The following CFAP20DC variants were observed in gnomAD, a reference collection of about 807,000 sequenced individuals.
CFAP20DC encodes protein CFAP20DC.
CFAP20DC carries 84 observed loss-of-function variants against 101.7 expected under a neutral mutation model. The observed-to-expected ratio is 0.83, with a 90% CI of 0.69 to 0.99. The LOEUF is 0.99. Among genes scored for constraint, CFAP20DC ranks in the 50% least tolerant of loss-of-function variants. CFAP20DC has a pLI of 0.00. For missense variants in CFAP20DC, 1,007 were observed against 970.3 expected (o/e 1.04, Z -0.50); for synonymous variants, 359 against 351.2 (o/e 1.02, Z -0.25).
chr3:58,956,456 G>T (rs933241085), intron 4 of CFAP20DC, among the ~76,000 whole-genome samples: 1 of 152,096 alleles, frequency 6.6e-6, no homozygotes, highest in African/African-American at 2.4e-5. Flanking sequence ...CCTTTGGAAA[G>T]GGGAGAGAAG....
chr3:59,033,556 A>G (rs2094037107), intron 4 of CFAP20DC, among the ~76,000 whole-genome samples: 1 of 152,154 alleles, frequency 6.6e-6, no homozygotes, highest in African/African-American at 2.4e-5. Context: ...TGAAGCGTAC[A>G]CAGCTATCAA....
chr3:58,893,787 T>C (rs1480205946), intron 6 of CFAP20DC, among the ~76,000 whole-genome samples: 1 of 151,820 alleles, frequency 6.6e-6, no homozygotes, highest in African/African-American at 2.4e-5. Context: ...TTTTGGCTGG[T>C]AGGCTGTTTA....
At chr3:58,782,156 AAT>A (rs1249767190) in intron 15 of CFAP20DC, among the ~76,000 whole-genome samples, 2 of 152,112 alleles carry the variant, frequency 1.3e-5, no homozygotes, top group African/African-American at 4.8e-5. Flanking sequence ...GCATTAACAG[AAT>A]GAAGAAATGA....
At chr3:58,967,496 A>T (rs1164709996) in intron 4 of CFAP20DC, among the ~76,000 whole-genome samples, 1 of 152,192 alleles carries the variant, frequency 6.6e-6, no homozygotes, top group African/African-American at 2.4e-5. Flanking sequence ...AAGCAATAAA[A>T]GAAAAAATAA....
chr3:58,925,781 C>A (rs527279680), intron 5 of CFAP20DC, among the ~76,000 whole-genome samples: 1 of 152,258 alleles, frequency 6.6e-6, no homozygotes, highest in East Asian at 1.9e-4. Context: ...TGCTCAAGGG[C>A]CTATAGTCAG....
intron 6 of CFAP20DC, among the ~76,000 whole-genome samples, chr3:58,895,526 T>C (rs2082598331): frequency 6.6e-6 from 1 of 152,262 alleles, no homozygotes; most frequent in East Asian, 1.9e-4. Context: ...CTGGACTTTA[T>C]TGTCCATATC....
intron 14 of CFAP20DC, among the ~76,000 whole-genome samples, chr3:58,815,491 A>C (rs1221077422): frequency 6.7e-6 from 1 of 150,112 alleles, no homozygotes; most frequent in African/African-American, 2.5e-5. Flanking sequence ...TGGCAACAAA[A>C]GCCAAAATTG....
rs1426316652 is a variant in CFAP20DC at position 58,721,709 on chromosome 3, A to C, written c.198-4081T>G. On this transcript the variant is annotated intron_variant, in intron 3 of 3. Transcript: ENST00000486145. The surrounding 1 kb of genome is among the most constrained non-coding windows in gnomAD (Gnocchi z 5.2). ...CACAGGACTTGGATGGCCACGATGC[A>C]CAGCATCTAATTTGTGGATTGAATG... Among the ~76,000 whole-genome samples the C allele has an allele frequency of 6.6e-6, 1 of 152,202 alleles. No individual in the cohort carries two copies. Among genetic ancestry groups the C allele is most frequent in the African/African-American group, 2.4e-5 (1 of 41,458 alleles).
chr3:59,027,218 A>G (rs1359538099), intron 4 of CFAP20DC, among the ~76,000 whole-genome samples: 1 of 152,236 alleles, frequency 6.6e-6, no homozygotes. Context: ...CTATGCAAGG[A>G]TCACAAAGGA....
At chr3:58,784,312 C>T (rs1402132276) in intron 15 of CFAP20DC, among the ~76,000 whole-genome samples, 1 of 151,778 alleles carries the variant, frequency 6.6e-6, no homozygotes, top group African/African-American at 2.4e-5. Flanking sequence ...CCAAATATTC[C>T]ATGATACATA....
chr3:58,850,238 G>C (rs948603908), intron 12 of CFAP20DC, among the ~76,000 whole-genome samples: 17 of 152,088 alleles, frequency 1.1e-4, no homozygotes, highest in African/African-American at 4.1e-4. Flanking sequence ...CATTTAAACT[G>C]TGTGATCACT....
At chr3:58,719,605 G>T (rs2067442545) in intron 3 of CFAP20DC, among the ~76,000 whole-genome samples, 1 of 152,202 alleles carries the variant, frequency 6.6e-6, no homozygotes, top group Non-Finnish European at 1.5e-5. Context: ...AGTCTCACCT[G>T]GTTGGGGCTG....
chr3:58,845,862 C>T (rs1244574223), intron 13 of CFAP20DC, among the ~76,000 whole-genome samples: 48 of 150,240 alleles, frequency 3.2e-4, no homozygotes, highest in African/African-American at 5.2e-4. Context: ...GTTCAATATA[C>T]GCAAATCAAT....
At chr3:58,808,343 C>A (rs971772482) in intron 14 of CFAP20DC, among the ~76,000 whole-genome samples, 1 of 152,184 alleles carries the variant, frequency 6.6e-6, no homozygotes, top group Non-Finnish European at 1.5e-5. Flanking sequence ...AAAGGGAAGC[C>A]CATCAGACTA....
intron 3 of CFAP20DC, among the ~76,000 whole-genome samples, chr3:59,045,459 CTAGT>C (rs1459197138): frequency 6.6e-6 from 1 of 152,020 alleles, no homozygotes; most frequent in East Asian, 1.9e-4. Flanking sequence ...GATGAAAAAT[CTAGT>C]TAATCATTCT....
intron 13 of CFAP20DC, among the ~76,000 whole-genome samples, chr3:58,833,608 A>G (rs1188549579): frequency 6.6e-6 from 1 of 152,200 alleles, no homozygotes; most frequent in African/African-American, 2.4e-5. Flanking sequence ...TGAAACCCTC[A>G]TACAGTGTTG....
chr3:58,730,112 C>T (rs1027615399), intron 3 of CFAP20DC, among the ~76,000 whole-genome samples: 4 of 151,522 alleles, frequency 2.6e-5, no homozygotes, highest in Admixed American at 2.6e-4. Context: ...TTAAGGCTCA[C>T]TCTGAATGCT....
chr3:58,918,489 C>A (rs1380869085), intron 5 of CFAP20DC, among the ~76,000 whole-genome samples: 1 of 152,148 alleles, frequency 6.6e-6, no homozygotes, highest in African/African-American at 2.4e-5. Context: ...TCCTTTAACT[C>A]TTTTTCCTTC....
At chr3:59,047,728 G>A (rs535933482) in intron 1 of CFAP20DC, among the ~76,000 whole-genome samples, 4 of 152,076 alleles carry the variant, frequency 2.6e-5, no homozygotes, top group Non-Finnish European at 5.9e-5. Flanking sequence ...TCTGAACTTG[G>A]AGTTACTTAA....
Sources: allele counts gnomAD v4.1 joint callset (sites outside exome capture counted in the v4.1 genomes callset), GRCh38; gene constraint gnomAD v4.1.1; non-coding constraint Gnocchi (gnomAD v3.1); transcripts MANE v1.5; gene names NCBI Gene and HGNC (gene_info 2026-07-23, HGNC 2026-07-21).